The following NDUFAB1 variants were observed in gnomAD, a reference collection of about 807,000 sequenced individuals.
The protein encoded by NDUFAB1 is acyl carrier protein, mitochondrial.
In NDUFAB1, 5 loss-of-function variants were observed where a neutral mutation model predicts 16.1. The ratio of observed to expected loss-of-function variants is 0.31; its 90% CI spans 0.16 to 0.65. The LOEUF is 0.65. NDUFAB1 is among the 30% of genes least tolerant of loss of function. The probability of loss-of-function intolerance (pLI) is 0.77; values close to 1 mark genes in which losing one functional copy is unlikely to be tolerated. For synonymous variants in NDUFAB1, 85 were observed against 78.4 expected (o/e 1.08, Z -0.44); for missense variants, 187 against 205.3 (o/e 0.91, Z 0.54).
chr16:23,592,163 G>GGA (rs1396406335), intron 1 of NDUFAB1, among the ~76,000 whole-genome samples: 2 of 152,122 alleles, frequency 1.3e-5, no homozygotes, highest in Admixed American at 1.3e-4. Context: ...GATAATTCAA[G>GGA]GAGAGGGAAG....
chr16:23,590,069 G>A (rs1396522002), intron 1 of NDUFAB1, among the ~76,000 whole-genome samples: 1 of 152,088 alleles, frequency 6.6e-6, no homozygotes, highest in Admixed American at 6.6e-5. Context: ...AGACCAACCT[G>A]GGCAACAAAG....
At chr16:23,596,035 G>A in intron 1 of NDUFAB1, 88 bp downstream of exon 1, 8 of 1,474,736 alleles carry the variant, frequency 5.4e-6, no homozygotes, top group Non-Finnish European at 7.2e-6. Context: ...CCTGCCTGCA[G>A]CTGGCGCGCC....
intron 1 of NDUFAB1, among the ~76,000 whole-genome samples, chr16:23,591,377 G>A (rs756549695): frequency 5.3e-5 from 8 of 152,240 alleles, no homozygotes; most frequent in Admixed American, 2.0e-4. Flanking sequence ...TCAGAATCCC[G>A]GTACTCCACT....
At chr16:23,583,357 G>C (rs1446956067) in intron 3 of NDUFAB1, among the ~76,000 whole-genome samples, 1 of 146,444 alleles carries the variant, frequency 6.8e-6, no homozygotes, top group African/African-American at 2.5e-5. Context: ...GCCACCCATC[G>C]TCTGAGATGT....
At chr16:23,594,952 TAGA>T (rs1251744509) in intron 1 of NDUFAB1, among the ~76,000 whole-genome samples, 2 of 150,972 alleles carry the variant, frequency 1.3e-5, no homozygotes, top group Non-Finnish European at 3.0e-5. Flanking sequence ...CTGGAGAACT[TAGA>T]AAACAACAAA....
chr16:23,596,227 G>A lies in NDUFAB1; in HGVS notation c.64C>T (p.Arg22Trp), dbSNP rs1317367079. Reference protein sequence around the residue: ...RLPAAFAPLPRVRMLAVARPL... With the variant: ...RLPAAFAPLPWVRMLAVARPL... ...CGGGCCACGGCCAGCATCCGGACCC[G>A]GGGCAGCGGCGCAAAGGCCGCGGGC... The change falls in exon 1 of 5, where the codon CGG (arginine) becomes TGG (tryptophan). Residue 22 changes from arginine to tryptophan, a missense_variant. Around this residue, in one of 3 missense-constraint regions of NDUFAB1, gnomAD observed 135 missense variants for 129.4 expected, o/e 1.04. Coordinates refer to ENST00000007516, the MANE Select transcript of NDUFAB1 (RefSeq NM_005003.3). The A allele has an allele frequency of 6.2e-7, 1 of 1,607,670 alleles. No individual in the cohort carries two copies. The highest frequency in any genetic ancestry group is 8.5e-7 in the Non-Finnish European group (1 of 1,177,880).
chr16:23,582,178 T>G, intron 4 of NDUFAB1, 98 bp downstream of exon 4: 2 of 1,315,122 alleles, frequency 1.5e-6, no homozygotes, highest in East Asian at 6.0e-5. Flanking sequence ...TGAAAAATCT[T>G]GGTCAAGCAT....
At chr16:23,587,620 T>G (rs1248360473) in intron 1 of NDUFAB1, among the ~76,000 whole-genome samples, 1 of 152,226 alleles carries the variant, frequency 6.6e-6, no homozygotes, top group South Asian at 2.1e-4. Flanking sequence ...GCCACTAAAA[T>G]TGTCTAGCGT....
chr16:23,594,116 C>T (rs530879773), intron 1 of NDUFAB1, among the ~76,000 whole-genome samples: 8 of 151,936 alleles, frequency 5.3e-5, no homozygotes, highest in Admixed American at 2.0e-4. Flanking sequence ...CTCCTGACCT[C>T]GTGATCCGCC....
chr16:23,589,942 G>GAAAAA (rs57098255), intron 1 of NDUFAB1, among the ~76,000 whole-genome samples: 670 of 69,872 alleles, frequency 9.6e-3, no homozygotes, highest in Non-Finnish European at 0.014. Context: ...TCTCCAAAAA[G>GAAAAA]AAAAAAAAAA....
chr16:23,595,811 C>T (rs914662457), intron 1 of NDUFAB1, among the ~76,000 whole-genome samples: 1 of 152,222 alleles, frequency 6.6e-6, no homozygotes, highest in Non-Finnish European at 1.5e-5. Context: ...ATTGCTACTC[C>T]GCAAGGTAGA....
intron 1 of NDUFAB1, among the ~76,000 whole-genome samples, chr16:23,594,379 AAG>A (rs1228378479): frequency 1.3e-5 from 2 of 151,212 alleles, no homozygotes; most frequent in Admixed American, 1.3e-4. Context: ...TGGCTTATTT[AAG>A]ACGGTCTGCC....
chr16:23,589,778 G>T (rs1334259244), intron 1 of NDUFAB1, among the ~76,000 whole-genome samples: 2 of 151,354 alleles, frequency 1.3e-5, no homozygotes, highest in South Asian at 2.1e-4. Flanking sequence ...TCTACTGAAA[G>T]TCCAAAAATT....
chr16:23,585,542 AG>A, intron 2 of NDUFAB1, 119 bp from the exon 3 acceptor site: 1 of 715,898 alleles, frequency 1.4e-6, no homozygotes, highest in East Asian at 2.8e-5. Flanking sequence ...TTTAAGTTTT[AG>A]GGTACATGTG....
chr16:23,584,228 TG>T (rs1431599329), intron 3 of NDUFAB1, among the ~76,000 whole-genome samples: 11 of 54,814 alleles, frequency 2.0e-4, no homozygotes, highest in Non-Finnish European at 3.4e-4. Flanking sequence ...AATCCCCCTC[TG>T]CGAGAAACAC....
At chr16:23,593,631 G>A (rs1966297357) in intron 1 of NDUFAB1, among the ~76,000 whole-genome samples, 2 of 152,224 alleles carry the variant, frequency 1.3e-5, no homozygotes, top group African/African-American at 2.4e-5. Flanking sequence ...AGGAACACCC[G>A]CAGCAGGATC....
At chr16:23,584,535 CA>C (rs1259053857) in intron 3 of NDUFAB1, among the ~76,000 whole-genome samples, 1 of 151,708 alleles carries the variant, frequency 6.6e-6, no homozygotes, top group Non-Finnish European at 1.5e-5. Flanking sequence ...TACTTTGGCC[CA>C]AACACTGTGC....
At chr16:23,594,102 C>T (rs766167122) in intron 1 of NDUFAB1, among the ~76,000 whole-genome samples, 7 of 151,762 alleles carry the variant, frequency 4.6e-5, no homozygotes, top group Non-Finnish European at 7.4e-5. Flanking sequence ...AGGATGGTCT[C>T]CATCTCCTGA....
intron 2 of NDUFAB1, among the ~76,000 whole-genome samples, chr16:23,586,807 C>A (rs1189731428): frequency 1.3e-5 from 2 of 152,016 alleles, no homozygotes; most frequent in African/African-American, 4.8e-5. Context: ...TGCCACCATG[C>A]CCGGCTAATT....
Sources: allele counts gnomAD v4.1 joint callset (sites outside exome capture counted in the v4.1 genomes callset), GRCh38; gene constraint gnomAD v4.1.1; regional missense constraint gnomAD v4.1.1; transcripts MANE v1.5; gene names NCBI Gene and HGNC (gene_info 2026-07-23, HGNC 2026-07-21).